NPEPPS: variants seen among roughly 807,000 people sequenced by gnomAD.
NPEPPS encodes the protein aminopeptidase puromycin sensitive, also known as puromycin-sensitive aminopeptidase.
A neutral mutation model predicts 115.5 loss-of-function variants in NPEPPS; 14 were observed. The ratio of observed to expected loss-of-function variants is 0.12; its 90% CI spans 0.08 to 0.19. The LOEUF (loss-of-function observed/expected upper bound fraction) is 0.19. Among genes scored for constraint, NPEPPS ranks in the 10% least tolerant of loss-of-function variants. NPEPPS has a pLI of 1.00. For synonymous variants in NPEPPS, 285 were observed against 390.6 expected (o/e 0.73, Z 3.19); for missense variants, 523 against 1,110.8 (o/e 0.47, Z 7.52).
chr17:47,567,304 T>C (rs1333713108), intron 2 of NPEPPS, among the ~76,000 whole-genome samples: 1 of 152,256 alleles, frequency 6.6e-6, no homozygotes, highest in African/African-American at 2.4e-5. Flanking sequence ...TAATTGGTTT[T>C]GTAGAGATTT....
At position 47,592,597 on chromosome 17, in the gene NPEPPS, T is replaced by C. The variant is rs904949721; in HGVS notation, c.1426+52T>C. On this transcript the variant is annotated intron_variant, in intron 12 of 22. Transcript: ENST00000322157. ...ATGGAGAGAAAGTATTGTCACTCTA[T>C]CCAGGCTGGGACATTTTATTTTTGT... is the stretch of plus-strand genomic sequence containing the variant. 28 of 1,469,026 alleles carry C rather than the reference T, an allele frequency of 1.9e-5. No homozygotes were observed. The African/African-American group carries it at 3.9e-4, about 20-fold the overall frequency. 91.0% of individuals were successfully genotyped at this position (1,469,026 alleles called of 1,614,324 possible).
intron 14 of NPEPPS, 62 bp downstream of exon 14, chr17:47,599,801 G>T: frequency 7.8e-7 from 1 of 1,275,702 alleles, no homozygotes; most frequent in East Asian, 2.5e-5. Flanking sequence ...AATACCAGTA[G>T]TATTCCAACT....
intron 12 of NPEPPS, among the ~76,000 whole-genome samples, chr17:47,595,396 G>A (rs1411338911): frequency 2.0e-5 from 3 of 152,182 alleles, no homozygotes; most frequent in Non-Finnish European, 4.4e-5. Flanking sequence ...TTAATTGAAT[G>A]GGTATAACGG....
chr17:47,550,788 A>G (rs1367506110), intron 2 of NPEPPS, among the ~76,000 whole-genome samples: 1 of 151,728 alleles, frequency 6.6e-6, no homozygotes, highest in Non-Finnish European at 1.5e-5. Context: ...CACCACACCC[A>G]GCTAATTTTT....
chr17:47,529,735 CATTATATATA>C (rs1475623652), upstream of NPEPPS, among the ~76,000 whole-genome samples: 32 of 19,010 alleles, frequency 1.7e-3, 3 homozygotes, highest in South Asian at 7.8e-3. Flanking sequence ...ATTTCAGTTA[CATTATATATA>C]TATATATATA....
chr17:47,557,936 G>GTTTTT (rs558714475), intron 2 of NPEPPS, among the ~76,000 whole-genome samples: 1 of 133,172 alleles, frequency 7.5e-6, no homozygotes, highest in Non-Finnish European at 1.7e-5. Flanking sequence ...TTGATTCCAT[G>GTTTTT]TTTTTTTTTT....
At chr17:47,564,596 C>T (rs1370047107) in intron 2 of NPEPPS, among the ~76,000 whole-genome samples, 1 of 150,206 alleles carries the variant, frequency 6.7e-6, no homozygotes, top group Non-Finnish European at 1.5e-5. Context: ...GAATATATTG[C>T]AAACTGTATT....
In NPEPPS at chr17:47,562,076, A is replaced by G. The variant is rs1486928465; in HGVS notation, c.341-7341A>G. Reference sequence around the variant, plus strand: ...ATGAGAGCTCTGCACCCCTTCCCACATGCCTTGTTCTGTGCACCTCTTCAT... The same window carrying G: ...ATGAGAGCTCTGCACCCCTTCCCACGTGCCTTGTTCTGTGCACCTCTTCAT... On this transcript the variant is annotated intron_variant, in intron 2 of 22. Coordinates refer to ENST00000322157, the MANE Select transcript of NPEPPS (RefSeq NM_006310.4). Among the ~76,000 whole-genome samples the G allele has an allele frequency of 2.0e-5, 3 of 152,336 alleles. No individual in the cohort carries two copies. The East Asian group carries it at 5.8e-4, about 29-fold the overall frequency.
At chr17:47,569,344 G>A in intron 2 of NPEPPS, 73 bp from the exon 3 acceptor site, 1 of 957,636 alleles carries the variant, frequency 1.0e-6, no homozygotes, top group Non-Finnish European at 1.6e-6. Flanking sequence ...TTTTGCTCTT[G>A]AAAATGTTGC....
intron 3 of NPEPPS, among the ~76,000 whole-genome samples, chr17:47,571,988 T>G (rs1911226157): frequency 6.6e-6 from 1 of 152,076 alleles, no homozygotes; most frequent in African/African-American, 2.4e-5. Flanking sequence ...TATCACCAAC[T>G]CTACTGGCTC....
chr17:47,567,598 A>G (rs1451078422), intron 2 of NPEPPS, among the ~76,000 whole-genome samples: 2 of 151,936 alleles, frequency 1.3e-5, no homozygotes, highest in African/African-American at 2.4e-5. Context: ...AAAGCATACA[A>G]TTCAGCGGTT....
chr17:47,560,753 T>G (rs112673980), intron 2 of NPEPPS, among the ~76,000 whole-genome samples: 1 of 152,326 alleles, frequency 6.6e-6, no homozygotes, highest in Non-Finnish European at 1.5e-5. Flanking sequence ...TGAACTTTAT[T>G]TTTTTGCACC....
rs543559258 is a variant in NPEPPS at position 47,538,202 on chromosome 17, C to CTTTTTTTTTT, written c.255+6661_255+6670dup. 1.3e-3 allele frequency among the ~76,000 whole-genome samples: 78 copies of CTTTTTTTTTT among 58,496 alleles called. 11 individuals carry two copies. Among genetic ancestry groups the CTTTTTTTTTT allele is most frequent in the East Asian group, 2.6e-3 (4 of 1,558 alleles). 38.4% of individuals were successfully genotyped at this position (58,496 alleles called of 152,430 possible). ...GCCACCGCGCCTAGCCATATCTGTT[C>CTTTTTTTTTT]TTTTTTTTTTTTTTTTTTTTTTTGA... On this transcript the variant is annotated intron_variant, in intron 1 of 22. Coordinates refer to ENST00000322157, the MANE Select transcript of NPEPPS (RefSeq NM_006310.4).
At chr17:47,531,679 G>C in intron 1 of NPEPPS, 124 bp downstream of exon 1, 1 of 1,266,818 alleles carries the variant, frequency 7.9e-7, no homozygotes, top group Non-Finnish European at 1.0e-6. Context: ...GCGGCCGCAG[G>C]GCGCCGGGTT....
At chr17:47,595,807 C>T (rs1912828178) in intron 12 of NPEPPS, among the ~76,000 whole-genome samples, 1 of 151,954 alleles carries the variant, frequency 6.6e-6, no homozygotes, top group Non-Finnish European at 1.5e-5. Flanking sequence ...CATGGCGAAA[C>T]TCCATCTCTA....
Position 47,599,756 on chromosome 17 carries a change from A to G in NPEPPS, c.1600+17A>G. On this transcript the variant is annotated intron_variant, in intron 14 of 22. Coordinates refer to ENST00000322157, the MANE Select transcript of NPEPPS (RefSeq NM_006310.4). ...CATATGTTGGTAAGTAAATGGCTGT[A>G]AGTGAGATATGATTGATGAATTTGG... 1.3e-6 allele frequency: 2 copies of G among 1,542,968 alleles called. No individual in the cohort carries two copies. The highest frequency in any genetic ancestry group is 8.8e-7 in the Non-Finnish European group (1 of 1,136,384).
chr17:47,563,317 C>T (rs1160766742), intron 2 of NPEPPS, among the ~76,000 whole-genome samples: 2 of 152,156 alleles, frequency 1.3e-5, no homozygotes. Flanking sequence ...CAGGCGTGAG[C>T]CACCATGCCC....
At chr17:47,618,281 C>A in intron 19 of NPEPPS, 69 bp from the exon 20 acceptor site, 1 of 985,042 alleles carries the variant, frequency 1.0e-6, no homozygotes, top group African/African-American at 1.6e-5. Context: ...GGGGAAGAAG[C>A]TCATATAATC....
chr17:47,568,759 G>A (rs371419954), intron 2 of NPEPPS, among the ~76,000 whole-genome samples: 7 of 152,006 alleles, frequency 4.6e-5, no homozygotes, highest in African/African-American at 1.7e-4. Context: ...GGGTTCAAGC[G>A]ATTCTCCTGC....
Sources: gnomAD v4.1 joint callset for allele counts (sites outside exome capture counted in the v4.1 genomes callset) on GRCh38, gnomAD v4.1.1 for gene constraint, MANE v1.5 for transcripts, NCBI Gene and HGNC (gene_info 2026-07-23, HGNC 2026-07-21) for gene names.